The following KANSL3 variants were observed in gnomAD, a reference collection of about 807,000 sequenced individuals.
KANSL3 encodes the protein NSL complex protein NSL3.
A neutral mutation model predicts 89.2 loss-of-function variants in KANSL3; 16 were observed. That is an observed-to-expected ratio of 0.18 (90% confidence interval 0.12 to 0.27). KANSL3 has a LOEUF of 0.27. Among genes scored for constraint, KANSL3 ranks in the 10% least tolerant of loss-of-function variants. The probability of loss-of-function intolerance (pLI) is 1.00; values close to 1 mark genes in which losing one functional copy is unlikely to be tolerated. For synonymous variants in KANSL3, 385 were observed against 419.7 expected (o/e 0.92, Z 1.01); for missense variants, 879 against 1,110.6 (o/e 0.79, Z 2.96).
chr2:96,615,547 A>T, intron 5 of KANSL3: 1 of 1,279,772 alleles, frequency 7.8e-7, no homozygotes, highest in Non-Finnish European at 1.0e-6. Flanking sequence ...AAAATGACCT[A>T]GGGGAAAGGA....
downstream of KANSL3, among the ~76,000 whole-genome samples, chr2:96,591,214 A>C (rs2066268650): frequency 6.6e-6 from 1 of 152,232 alleles, no homozygotes; most frequent in South Asian, 2.1e-4. Flanking sequence ...GTATCAAGGA[A>C]ATGATATTGA....
chr2:96,600,856 G>C (rs2104976614), intron 20 of KANSL3: 1 of 985,420 alleles, frequency 1.0e-6, no homozygotes, highest in East Asian at 1.1e-4. Flanking sequence ...TAAGATATGG[G>C]AAGGCACAGT....
Position 96,612,869 on chromosome 2 carries a change from G to A in KANSL3, c.861C>T (p.Pro287=), listed in dbSNP as rs1473408579. 1 of 1,572,916 alleles carries A rather than the reference G, an allele frequency of 6.4e-7. No homozygotes were observed. The highest frequency in any genetic ancestry group is 1.2e-5 in the South Asian group (1 of 85,306). Residue 287 remains proline (P), a synonymous_variant, in exon 7 of 21, where the codon CCC becomes CCT. Coordinates refer to ENST00000431828, the MANE Select transcript of KANSL3 (RefSeq NM_001115016.3). ...GCCAGAAGCGGTGGCGGCGTGAAGTGGGAAACACAGAGCTGGAGGGACCAG... is the reference window on the plus strand; with the variant it reads ...GCCAGAAGCGGTGGCGGCGTGAAGTAGGAAACACAGAGCTGGAGGGACCAG... ...ASSGPSSSVF[P]TSRRHRFWQS... is the part of the protein sequence containing the mutation.
Position 96,612,496 on chromosome 2 carries a change from T to A in KANSL3, c.980A>T (p.His327Leu), listed in dbSNP as rs779344229. The change falls in exon 8 of 21, where the codon CAT becomes CTT. Residue 327 changes from histidine to leucine, a missense_variant. Physicochemically the swap from His to Leu is moderately conservative, Grantham distance 99. Around this residue, in one of 6 missense-constraint regions of KANSL3, gnomAD observed 198 missense variants for 260.3 expected, o/e 0.76. Coordinates refer to ENST00000431828, the MANE Select transcript of KANSL3 (RefSeq NM_001115016.3). ...SGVGVLQCLE[H>L]MIGAVRSKVL... ...TTTGCTTCTCACTGCCCCAATCATA[T>A]GCTCGAGACACTGTAGAACTCCTAC... 6.2e-7 allele frequency: 1 copy of A among 1,613,962 alleles called. No homozygotes were observed. The highest frequency in any genetic ancestry group is 1.1e-5 in the South Asian group (1 of 91,086).
rs761389831 is a variant in KANSL3, at chr2:96,612,583, C to T, written c.913-20G>A. On this transcript the variant is annotated intron_variant, in intron 7 of 20. Transcript: ENST00000431828. ...GATGACCTGAAGGAAAGAAGTAGCC[C>T]CCACACCAGCAGAGGTAAGTTTCAA... The T allele has an allele frequency of 1.8e-5, 28 of 1,574,986 alleles. No individual in the cohort carries two copies. The highest frequency in any genetic ancestry group is 2.4e-5 in the Non-Finnish European group (27 of 1,145,936).
At chr2:96,601,509 CA>C (rs1412163246) in intron 20 of KANSL3, 133 bp downstream of exon 20, 8 of 1,415,462 alleles carry the variant, frequency 5.7e-6, no homozygotes, top group Non-Finnish European at 1.8e-6. Context: ...CCACAAACTC[CA>C]GAATACAGAT....
rs1558698039 is a variant in KANSL3 at position 96,610,711 on chromosome 2, G to A, written c.1319+15C>T. 1.2e-6 allele frequency: 2 copies of A among 1,613,232 alleles called. No individual in the cohort carries two copies. The highest frequency in any genetic ancestry group is 2.2e-5 in the East Asian group (1 of 44,870). ...GTAACACAGCTCTCTTGCAGCTCTG[G>A]GAGAATCCACCCACCTGAGATTGTC... is the stretch of plus-strand genomic sequence containing the variant. On this transcript the variant is annotated intron_variant, in intron 11 of 20. Coordinates refer to ENST00000431828, the MANE Select transcript of KANSL3 (RefSeq NM_001115016.3).
At chr2:96,621,047 A>C (rs1041444663) in intron 3 of KANSL3, among the ~76,000 whole-genome samples, 9 of 152,166 alleles carry the variant, frequency 5.9e-5, no homozygotes, top group Non-Finnish European at 1.0e-4. Flanking sequence ...TGCTACACCC[A>C]AATGAGACCC....
chr2:96,605,569 C>G, intron 14 of KANSL3, 58 bp from the exon 15 acceptor site: 2 of 1,361,762 alleles, frequency 1.5e-6, no homozygotes, highest in Non-Finnish European at 2.1e-6. Context: ...AACAGACACT[C>G]AGTCAATACC....
Position 96,598,043 on chromosome 2 carries a change from C to T in KANSL3, c.2617-2412G>A, listed in dbSNP as rs1443786464. The T allele has an allele frequency of 3.2e-6, 3 of 937,984 alleles. No individual in the cohort carries two copies. In the South Asian group the frequency reaches 1.5e-4, roughly 46 times the overall value. The allele number at this position is 937,984 out of a possible 1,614,324, so 58.1% of individuals were successfully genotyped here. A position where few individuals can be genotyped will look rare whatever the true frequency, so the allele number is the denominator to read the frequency against. On this transcript the variant is annotated intron_variant, in intron 20 of 20. Transcript: ENST00000431828. ...ACCTCTACTCTCTTCTCAATGGTAA[C>T]TGGCTGGCCCAGGCCATGGCAAGCT...
chr2:96,593,847 C>T lies in KANSL3; in HGVS notation c.*1764G>A, dbSNP rs541493080. ...ATCCTACCTGTAAAGCTATCAAACC[C>T]CTGGGTCCTGGATGCCTCCTCCAGA... On this transcript the variant is annotated 3_prime_UTR_variant, in exon 21 of 21. Coordinates refer to ENST00000431828, the MANE Select transcript of KANSL3 (RefSeq NM_001115016.3). 9 of 152,672 alleles carry T rather than the reference C, an allele frequency of 5.9e-5. No individual in the cohort carries two copies. Among genetic ancestry groups the T allele is most frequent in the African/African-American group, 2.2e-4 (9 of 41,566 alleles). The allele number at this position is 152,672 out of a possible 1,614,324, so 9.5% of individuals were successfully genotyped here. A position where few individuals can be genotyped will look rare whatever the true frequency, so the allele number is the denominator to read the frequency against.
chr2:96,609,853 T>C (rs574492880), intron 11 of KANSL3, among the ~76,000 whole-genome samples: 2 of 140,576 alleles, frequency 1.4e-5, no homozygotes, highest in South Asian at 2.2e-4. Context: ...TATAGCTTAA[T>C]AGATCAACTC....
Position 96,594,186 on chromosome 2 carries a change from T to A in KANSL3, c.*1425A>T, listed in dbSNP as rs2066385821. The A allele has an allele frequency of 6.6e-6, 1 of 152,234 alleles. No homozygotes were observed. The highest frequency in any genetic ancestry group is 2.4e-5 in the African/African-American group (1 of 41,452). 9.4% of individuals were successfully genotyped at this position (152,234 alleles called of 1,614,324 possible). ...GACCTGGTATAGATACACACTGTAC[T>A]GTGGGCCAGAACCATGGACTACATT... is the stretch of plus-strand genomic sequence containing the variant. On this transcript the variant is annotated 3_prime_UTR_variant, in exon 21 of 21. Transcript: ENST00000431828.
intron 20 of KANSL3, among the ~76,000 whole-genome samples, chr2:96,598,809 C>T (rs750272813): frequency 1.4e-5 from 2 of 143,594 alleles, no homozygotes; most frequent in Non-Finnish European, 3.0e-5. Context: ...ACTCAGGAGG[C>T]TGAGGCAAGA....
At position 96,595,431 on chromosome 2, in the gene KANSL3, C is replaced by G; in HGVS notation, c.*180G>C. The G allele has an allele frequency of 1.7e-6, 1 of 581,542 alleles. No individual in the cohort carries two copies. Among genetic ancestry groups the G allele is most frequent in the South Asian group, 2.3e-5 (1 of 44,048 alleles). 36.0% of individuals were successfully genotyped at this position (581,542 alleles called of 1,614,324 possible). A position where few individuals can be genotyped will look rare whatever the true frequency, so the allele number is the denominator to read the frequency against. On this transcript the variant is annotated 3_prime_UTR_variant, in exon 21 of 21. Coordinates refer to ENST00000431828, the MANE Select transcript of KANSL3 (RefSeq NM_001115016.3). ...ATCCTGGACGATGGTGCTTCCCTTG[C>G]TGGCACCGTATCACCTAACCTAATG...
intron 2 of KANSL3, among the ~76,000 whole-genome samples, chr2:96,632,255 C>T (rs2073517046): frequency 6.6e-6 from 1 of 152,022 alleles, no homozygotes; most frequent in South Asian, 2.1e-4. Flanking sequence ...ATTGTTTAAG[C>T]CCAGAAGTTC....
intron 9 of KANSL3, 32 bp from the exon 10 acceptor site, chr2:96,611,170 C>G (rs777293161): frequency 3.8e-6 from 6 of 1,592,430 alleles, no homozygotes; most frequent in Non-Finnish European, 4.3e-6. Context: ...GTCTAAACGT[C>G]AACTGAGTTC....
chr2:96,602,198 G>A lies in KANSL3; in HGVS notation c.2400C>T (p.Ile800=), dbSNP rs774287358. The A allele has an allele frequency of 1.9e-6, 3 of 1,607,194 alleles. No homozygotes were observed. Among genetic ancestry groups the A allele is most frequent in the Non-Finnish European group, 2.5e-6 (3 of 1,177,084 alleles). Residue 800 remains isoleucine (I), a synonymous_variant, in exon 19 of 21, where the codon ATC becomes ATT. Transcript: ENST00000431828. ...GGCCCCCATTGGTCAGCAGCTGGTG[G>A]ATGGCTGTGGGCTTCCCACCAGGAG... The part of the protein sequence containing the change: ...GATPGGKPTA[I]HQLLTNGGLA...
chr2:96,609,403 C>G, intron 12 of KANSL3, 96 bp downstream of exon 12: 2 of 1,062,670 alleles, frequency 1.9e-6, no homozygotes, highest in Non-Finnish European at 1.5e-6. Context: ...CCAGTGGAGG[C>G]CTTAGAGCCA....
Sources: allele counts gnomAD v4.1 joint callset (sites outside exome capture counted in the v4.1 genomes callset), GRCh38; gene constraint gnomAD v4.1.1; regional missense constraint gnomAD v4.1.1; transcripts MANE v1.5; gene names NCBI Gene and HGNC (gene_info 2026-07-23, HGNC 2026-07-21).